Variants in BCORL1 observed in about 807,000 individuals in gnomAD.
BCORL1 encodes the protein BCL-6 corepressor-like protein 1.
In BCORL1, 7 loss-of-function variants were observed where a neutral mutation model predicts 87.6. That is an observed-to-expected ratio of 0.08 (90% confidence interval 0.05 to 0.15). The LOEUF (loss-of-function observed/expected upper bound fraction) is 0.15, where lower values mean the gene tolerates loss of function less well. BCORL1 is among the 10% of genes least tolerant of loss of function. The pLI is 1.00. For synonymous variants in BCORL1, 591 were observed against 634.4 expected, an observed-to-expected ratio of 0.93 and a Z score of 1.03; for missense variants, 1,215 against 1,499.7, an observed-to-expected ratio of 0.81 and a Z score of 3.13.
chrX:130,024,930 G>T, intron 6 of BCORL1, 60 bp from the exon 7 acceptor site: 2 of 1,168,919 alleles, frequency 1.7e-6, no homozygotes, highest in Admixed American at 4.9e-5. Flanking sequence ...CATTCACTTC[G>T]ACACCATGCT....
At chrX:130,038,438 G>A (rs759735660) in intron 10 of BCORL1, among the ~76,000 whole-genome samples, 46 of 109,647 alleles carry the variant, frequency 4.2e-4, no homozygotes, top group Middle Eastern at 9.3e-3. Flanking sequence ...AGTCACCCAG[G>A]GCCTTCAGTT....
In BCORL1 at chrX:130,048,263, A is replaced by T. The variant is rs765542691; in HGVS notation, c.4841-2454A>T. ...ATGGTGGTGCTTCGCACTGGGGGAAACTAGCTCTGCTCCTTTAAGTTGGCT... is the reference window on the plus strand; with the variant it reads ...ATGGTGGTGCTTCGCACTGGGGGAATCTAGCTCTGCTCCTTTAAGTTGGCT... On this transcript the variant is annotated intron_variant, in intron 11 of 13. Transcript: ENST00000540052. 2.7e-5 allele frequency among the ~76,000 whole-genome samples: 3 copies of T among 112,116 alleles called. No individual in the cohort carries two copies. In the East Asian group the frequency reaches 8.4e-4, roughly 31 times the overall value.
At chrX:129,995,542 G>A (rs1041551682) in intron 1 of BCORL1, among the ~76,000 whole-genome samples, 1 of 111,338 alleles carries the variant, frequency 9.0e-6, no homozygotes, top group Non-Finnish European at 1.9e-5. Flanking sequence ...CCAGGTTCAA[G>A]TGATTCCCCT....
At chrX:130,026,738 G>A (rs1393950002) in intron 7 of BCORL1, among the ~76,000 whole-genome samples, 1 of 112,766 alleles carries the variant, frequency 8.9e-6, no homozygotes, top group Non-Finnish European at 1.9e-5. Context: ...CTCCAGTAAC[G>A]CAGAGAACAC....
chrX:130,026,038 C>G (rs940819171), intron 7 of BCORL1, among the ~76,000 whole-genome samples: 3 of 111,617 alleles, frequency 2.7e-5, no homozygotes, highest in Non-Finnish European at 3.8e-5. Flanking sequence ...TATACCATTC[C>G]GGAGGCACAG....
In BCORL1 at chrX:130,016,378, G is replaced by C. The variant is rs192646478; in HGVS notation, c.3441+165G>C. ...TTTGTAAAAGTAATAATGACCTGCT[G>C]TCCCCTCCCTAGGTCACATTTTCCA... On this transcript the variant is annotated intron_variant, in intron 4 of 13. Coordinates refer to ENST00000540052, the MANE Select transcript of BCORL1 (RefSeq NM_001379451.1). Among the ~76,000 whole-genome samples the C allele has an allele frequency of 4.5e-5, 5 of 111,979 alleles. No individual in the cohort carries two copies. In the East Asian group the frequency reaches 1.4e-3, roughly 32 times the overall value.
At position 130,037,448 on chromosome X, in the gene BCORL1, G is replaced by A. The variant is rs1262531927; in HGVS notation, c.4609G>A (p.Ala1537Thr). The A allele has an allele frequency of 1.7e-6, 2 of 1,211,749 alleles. No individual in the cohort carries two copies. ...TGCTGGCTACACAGCCCTGCATGAGGCTTGTTCCCGGGGCTGGACCGACAT... is the reference window on the plus strand; with the variant it reads ...TGCTGGCTACACAGCCCTGCATGAGACTTGTTCCCGGGGCTGGACCGACAT... The part of the protein sequence containing the change: ...DNAGYTALHE[A>T]CSRGWTDILN... The change falls in exon 10 of 14, where the codon GCT (alanine) becomes ACT (threonine). Residue 1537 changes from alanine to threonine, a missense_variant. By Grantham distance (58) the Ala-to-Thr change is moderately conservative (BLOSUM62 0). Around this residue, in one of 5 missense-constraint regions of BCORL1, gnomAD observed 55 missense variants for 115.1 expected, o/e 0.48. Transcript: ENST00000540052.
Position 130,013,241 on chromosome X carries a change from G to A in BCORL1, c.469G>A (p.Ala157Thr), listed in dbSNP as rs147775035. The A allele has an allele frequency of 7.0e-5, 85 of 1,210,355 alleles. No individual in the cohort carries two copies. The highest frequency in any genetic ancestry group is 4.6e-4 in the Middle Eastern group (2 of 4,375). The change falls in exon 4 of 14, where the codon GCC (alanine) becomes ACC (threonine). Residue 157 changes from alanine to threonine, a missense_variant. This residue lies in a region of BCORL1 where 861 missense variants were observed against 1,010.0 expected (regional missense o/e 0.85). Coordinates refer to ENST00000540052, the MANE Select transcript of BCORL1 (RefSeq NM_001379451.1). ...QMSKQVDCSP[A>T]GVKALDSRQG... ...GAGCAAACAGGTTGACTGCTCACCC[G>A]CCGGAGTAAAGGCTTTGGACTCTCG...
Position 130,014,174 on chromosome X carries a change from A to C in BCORL1, c.1402A>C (p.Thr468Pro). 8.3e-7 allele frequency: 1 copy of C among 1,208,503 alleles called. No homozygotes were observed. Among genetic ancestry groups the C allele is most frequent in the Non-Finnish European group, 1.1e-6 (1 of 894,772 alleles). ...GCCACTCAGTGTGGCCACACTGCCA[A>C]CCACTCTAGGGGTTTCCTCCACTCT... Reference protein sequence around the residue: ...GQPLSVATLPTTLGVSSTLTL... With the variant: ...GQPLSVATLPPTLGVSSTLTL... Residue 468 changes from threonine to proline, a missense_variant, in exon 4 of 14, where the codon ACC becomes CCC. By Grantham distance (38) the Thr-to-Pro change is conservative. Coordinates refer to ENST00000540052, the MANE Select transcript of BCORL1 (RefSeq NM_001379451.1).
intron 1 of BCORL1, among the ~76,000 whole-genome samples, chrX:129,985,331 C>T (rs1445497673): frequency 1.8e-5 from 2 of 111,487 alleles, no homozygotes; most frequent in African/African-American, 6.5e-5. Flanking sequence ...ATTGAGGGAG[C>T]TTTATTTTGG....
intron 4 of BCORL1, among the ~76,000 whole-genome samples, chrX:130,019,307 T>G (rs183073699): frequency 8.9e-6 from 1 of 112,591 alleles, no homozygotes; most frequent in East Asian, 2.8e-4. Context: ...GAAGTAAAAG[T>G]TAATGATCTG....
chrX:129,980,590 C>G (rs1323978724), upstream of BCORL1, among the ~76,000 whole-genome samples: 1 of 112,296 alleles, frequency 8.9e-6, no homozygotes, highest in Non-Finnish European at 1.9e-5. Context: ...GGACCGCGCG[C>G]TTGGGCCGGC....
intron 1 of BCORL1, among the ~76,000 whole-genome samples, chrX:129,989,348 G>A (rs1170466809): frequency 3.7e-5 from 3 of 80,665 alleles, no homozygotes; most frequent in African/African-American, 1.5e-4. Context: ...GGGTTTCACC[G>A]TGTTAGCCAG....
intron 7 of BCORL1, 108 bp downstream of exon 7, chrX:130,025,487 C>A: frequency 1.3e-6 from 1 of 744,204 alleles, no homozygotes; most frequent in Non-Finnish European, 1.9e-6. Flanking sequence ...AAACCCGGTG[C>A]TATGATCTCC....
chrX:129,987,323 G>A (rs1926713487), intron 1 of BCORL1, among the ~76,000 whole-genome samples: 1 of 111,505 alleles, frequency 9.0e-6, no homozygotes, highest in Admixed American at 9.6e-5. Flanking sequence ...GAATGTGAGA[G>A]AAAAAGAGAG....
chrX:129,993,936 C>CA (rs1365714149), intron 1 of BCORL1, among the ~76,000 whole-genome samples: 5 of 109,839 alleles, frequency 4.6e-5, no homozygotes, highest in Non-Finnish European at 9.5e-5. Flanking sequence ...AGATGCCCCC[C>CA]CACCATGCCC....
Position 130,013,881 on chromosome X carries a change from C to A in BCORL1, c.1109C>A (p.Pro370His). 3 of 1,165,530 alleles carry A rather than the reference C, an allele frequency of 2.6e-6. No homozygotes were observed. Among genetic ancestry groups the A allele is most frequent in the Non-Finnish European group, 3.4e-6 (3 of 871,505 alleles). The change falls in exon 4 of 14, where the codon CCC becomes CAC. Residue 370 changes from proline (P) to histidine (H), a missense_variant. Physicochemically the swap from Pro to His is moderately conservative, Grantham distance 77. Transcript: ENST00000540052. Reference sequence around the variant, plus strand: ...CCATCTTCCGGCCCACCTTCTACCCCCACCCTCATCCCCGCCTTTGCTCCT... The same window carrying A: ...CCATCTTCCGGCCCACCTTCTACCCACACCCTCATCCCCGCCTTTGCTCCT... The part of the protein sequence containing the change: ...PTPSSGPPST[P>H]TLIPAFAPTP...
Position 130,016,120 on chromosome X carries a change from CAAG to C in BCORL1, c.3353_3355del (p.Lys1118del). On this transcript the variant is annotated inframe_deletion, in exon 4 of 14. Transcript: ENST00000540052. The stretch of plus-strand genomic sequence containing the variant: ...ATGATGTGACGGAATCTCTGCCGCC[CAAG>C]AAGATGAAGTGCGGCAAAGAGAAGG... The C allele has an allele frequency of 8.3e-7, 1 of 1,211,246 alleles. No homozygotes were observed.
rs1932465167 is a variant in BCORL1, at chrX:130,057,573, T to C, written c.*1437T>C. 4 of 107,211 alleles carry C rather than the reference T, an allele frequency of 3.7e-5. No homozygotes were observed. In the South Asian group the frequency reaches 1.6e-3, roughly 43 times the overall value. The allele number at this position is 107,211 out of a possible 1,213,427, so 8.8% of individuals were successfully genotyped here. A position where few individuals can be genotyped will look rare whatever the true frequency, so the allele number is the denominator to read the frequency against. On this transcript the variant is annotated 3_prime_UTR_variant, in exon 14 of 14. Coordinates refer to ENST00000540052, the MANE Select transcript of BCORL1 (RefSeq NM_001379451.1). ...CGCCGTGGCCGGCTCTGGTTGGAGA[T>C]GGTACAGTTTTATTGTACAGGTGCT...
Sources: gnomAD v4.1 joint callset for allele counts (sites outside exome capture counted in the v4.1 genomes callset) on GRCh38, gnomAD v4.1.1 for gene constraint, gnomAD v4.1.1 regional missense constraint, MANE v1.5 for transcripts, NCBI Gene and HGNC (gene_info 2026-07-23, HGNC 2026-07-21) for gene names.